PTPN21: variants seen among roughly 807,000 people sequenced by gnomAD.
PTPN21 encodes tyrosine-protein phosphatase non-receptor type 21.
Under a neutral mutation model 131.8 loss-of-function variants are expected in PTPN21, and 77 were observed. The ratio of observed to expected loss-of-function variants is 0.58; its 90% CI spans 0.49 to 0.71. The LOEUF (loss-of-function observed/expected upper bound fraction) is 0.71, where lower values mean the gene tolerates loss of function less well. Ranked by LOEUF, PTPN21 falls within the 30% of genes least tolerant of loss-of-function variation. The pLI is 0.00. For missense variants in PTPN21, 1,552 were observed against 1,527.1 expected (o/e 1.02, Z -0.27); for synonymous variants, 715 against 621.3 (o/e 1.15, Z -2.24).
intron 10 of PTPN21, among the ~76,000 whole-genome samples, chr14:88,493,865 A>G (rs1179911238): frequency 6.6e-6 from 1 of 152,218 alleles, no homozygotes; most frequent in African/African-American, 2.4e-5. Flanking sequence ...ATCTTGAATC[A>G]GAGCTCTTAA....
In PTPN21 at chr14:88,479,165, G is replaced by C. The variant is rs1341158576; in HGVS notation, c.2266C>G (p.His756Asp). Residue 756 changes from histidine to aspartate, a missense_variant, in exon 13 of 19, where the codon CAC (histidine) becomes GAC (aspartate). His to Asp is a moderately conservative substitution (Grantham distance 81, BLOSUM62 -1). Transcript: ENST00000556564. ...ACGTGGGCCTTGGGCTCCAGGATGT[G>C]CAGGGGCCCGGCGAGCAGGACGCGA... ...CPRVLLAGPL[H>D]ILEPKAHVPD... The C allele has an allele frequency of 6.4e-7, 1 of 1,553,138 alleles. No homozygotes were observed. Among genetic ancestry groups the C allele is most frequent in the Non-Finnish European group, 8.7e-7 (1 of 1,153,186 alleles).
At chr14:88,504,344 A>T in intron 6 of PTPN21, 81 bp downstream of exon 6, 1 of 1,124,450 alleles carries the variant, frequency 8.9e-7, no homozygotes, top group Non-Finnish European at 1.3e-6. Flanking sequence ...TAATCATGTA[A>T]ATTAAATATT....
chr14:88,468,457 T>G (rs2077400694), intron 18 of PTPN21, among the ~76,000 whole-genome samples, 192 bp from the exon 19 acceptor site: 1 of 152,184 alleles, frequency 6.6e-6, no homozygotes. Context: ...AAATAGAATG[T>G]CCATGCAGAC....
At chr14:88,518,374 ATGTGTG>A (rs1216065156) in intron 2 of PTPN21, among the ~76,000 whole-genome samples, 9 of 34,720 alleles carry the variant, frequency 2.6e-4, no homozygotes, top group African/African-American at 1.0e-3. Flanking sequence ...GTGTGTGTGT[ATGTGTG>A]TGTGTGTATA....
At chr14:88,489,674 T>C (rs1021461573) in intron 10 of PTPN21, among the ~76,000 whole-genome samples, 2 of 151,850 alleles carry the variant, frequency 1.3e-5, no homozygotes, top group African/African-American at 4.8e-5. Context: ...TAAATAAAAG[T>C]GTTAGATGGT....
At chr14:88,518,795 T>C (rs1010534575) in intron 2 of PTPN21, among the ~76,000 whole-genome samples, 1 of 152,032 alleles carries the variant, frequency 6.6e-6, no homozygotes, top group African/African-American at 2.4e-5. Flanking sequence ...GAGTAAGCAG[T>C]GTTAAACCAA....
chr14:88,469,050 G>A lies in PTPN21; in HGVS notation c.3262C>T (p.Arg1088Ter), dbSNP rs777169798. The change falls in exon 18 of 19, where the codon CGA becomes TGA. Residue 1088 changes from arginine to a stop codon, truncating the protein, a stop_gained. Coordinates refer to ENST00000556564, the MANE Select transcript of PTPN21 (RefSeq NM_007039.4). LOFTEE classifies it high-confidence loss of function. This position sits in a 1 kb window ranked among gnomAD's most constrained non-coding sequence, Gnocchi z 4.3. ...LSYLEEIQSV[R>*]RHTNSTSDPQ... ...TCACTTGTGCTATTTGTATGGCGTC[G>A]AACAGACTGGATCTCTTCAAGATAT... 1.1e-5 allele frequency: 18 copies of A among 1,613,752 alleles called. 1 individual carries two copies. The highest frequency in any genetic ancestry group is 3.3e-5 in the South Asian group (3 of 91,046).
At chr14:88,484,994 C>G (rs1484808903) in intron 12 of PTPN21, 82 bp downstream of exon 12, 2 of 1,228,140 alleles carry the variant, frequency 1.6e-6, no homozygotes, top group Admixed American at 3.6e-5. Context: ...CAAAAACTGT[C>G]CAGGCTTCAT....
rs779064863 is a variant in PTPN21, at chr14:88,479,773, G to T, written c.1658C>A (p.Pro553Gln). 1.3e-6 allele frequency: 2 copies of T among 1,546,040 alleles called. No homozygotes were observed. The highest frequency in any genetic ancestry group is 1.7e-6 in the Non-Finnish European group (2 of 1,153,176). The change falls in exon 13 of 19, where the codon CCG (proline) becomes CAG (glutamine). Residue 553 changes from proline to glutamine, a missense_variant. By Grantham distance (76) the Pro-to-Gln change is moderately conservative. Coordinates refer to ENST00000556564, the MANE Select transcript of PTPN21 (RefSeq NM_007039.4). ...TNAQLQAQDY[P>Q]SPNIMRTQVY... ...CTGCGTCCGCATGATGTTGGGAGAC[G>T]GGTAGTCCTGCGCCTGCAGCTGCGC...
intron 10 of PTPN21, among the ~76,000 whole-genome samples, chr14:88,492,339 GGAACCCCAAAGGCA>G (rs1285478214): frequency 6.6e-6 from 1 of 152,164 alleles, no homozygotes; most frequent in Non-Finnish European, 1.5e-5. Flanking sequence ...CCAGCCCCAG[GGAACCCCAAAGGCA>G]AGTAGCACTA....
chr14:88,508,961 G>A (rs2078138819), intron 3 of PTPN21, among the ~76,000 whole-genome samples: 2 of 152,112 alleles, frequency 1.3e-5, no homozygotes, highest in Admixed American at 6.6e-5. Context: ...TTAGTATTCT[G>A]CACGAACTTG....
chr14:88,549,815 T>A (rs1005499596), intron 2 of PTPN21, among the ~76,000 whole-genome samples: 1 of 150,312 alleles, frequency 6.7e-6, no homozygotes, highest in Non-Finnish European at 1.5e-5. Context: ...CAGGCTGGAG[T>A]GCAGTGGAGC....
In PTPN21 at chr14:88,485,100, T is replaced by G; in HGVS notation, c.1054A>C (p.Thr352Pro). ...CCTTGGGAAGAAGCATATGGTTCTG[T>G]ATAATGTCCATTATAGTGCAACTGC... ...PPQLHYNGHY[T>P]EPYASSQDNL... The change falls in exon 12 of 19, where the codon ACA (threonine) becomes CCA (proline). Residue 352 changes from threonine (T) to proline (P), a missense_variant. Around this residue, in one of 4 missense-constraint regions of PTPN21, gnomAD observed 1,016 missense variants for 883.5 expected, o/e 1.15. Coordinates refer to ENST00000556564, the MANE Select transcript of PTPN21 (RefSeq NM_007039.4). 1.2e-6 allele frequency: 2 copies of G among 1,608,038 alleles called. No individual in the cohort carries two copies. Among genetic ancestry groups the G allele is most frequent in the Non-Finnish European group, 1.7e-6 (2 of 1,174,630 alleles).
chr14:88,518,384 G>GTCTATATATATATA (rs1383018796), intron 2 of PTPN21, among the ~76,000 whole-genome samples: 1 of 13,330 alleles, frequency 7.5e-5, no homozygotes, highest in East Asian at 2.7e-3. Context: ...ATGTGTGTGT[G>GTCTATATATATATA]TGTATATATA....
chr14:88,529,513 AATCTAAAAC>A (rs1285943059), intron 2 of PTPN21, among the ~76,000 whole-genome samples: 1 of 152,158 alleles, frequency 6.6e-6, no homozygotes, highest in Non-Finnish European at 1.5e-5. Flanking sequence ...GAAGAAGAGA[AATCTAAAAC>A]TTGGGGAAAC....
intron 10 of PTPN21, among the ~76,000 whole-genome samples, chr14:88,494,401 G>A (rs2077871685): frequency 6.6e-6 from 1 of 152,220 alleles, no homozygotes; most frequent in Non-Finnish European, 1.5e-5. Context: ...GCCAGGCCTG[G>A]TGGCTCACAC....
At position 88,472,327 on chromosome 14, in the gene PTPN21, C is replaced by CA. The variant is rs1566806921; in HGVS notation, c.2787dup (p.Val930CysfsTer5). On this transcript the variant is annotated frameshift_variant, in exon 15 of 19. Transcript: ENST00000556564. LOFTEE classifies it high-confidence loss of function. ...ACTCTCACATCATCATAAGGAAGAA[C>CA]ATCTTGGAATCGATTTCTTTCTGCA... 2 of 1,613,816 alleles carry CA rather than the reference C, an allele frequency of 1.2e-6. No homozygotes were observed. Among genetic ancestry groups the CA allele is most frequent in the Non-Finnish European group, 1.7e-6 (2 of 1,179,734 alleles).
intron 5 of PTPN21, 113 bp from the exon 6 acceptor site, chr14:88,504,608 T>C (rs973377809): frequency 1.1e-5 from 9 of 800,728 alleles, no homozygotes; most frequent in South Asian, 1.1e-4. Context: ...ATTATGACTA[T>C]TGTTACTATA....
Position 88,480,228 on chromosome 14 carries a change from G to C in PTPN21, c.1203C>G (p.Asn401Lys). 2 of 1,614,180 alleles carry C rather than the reference G, an allele frequency of 1.2e-6. No individual in the cohort carries two copies. Among genetic ancestry groups the C allele is most frequent in the South Asian group, 2.2e-5 (2 of 91,074 alleles). The stretch of plus-strand genomic sequence containing the variant: ...AGTAGGGCTGAGGATTATTTAAGGA[G>C]TTGGTGCTGTGTGCACTGTAGACAC... Reference protein sequence around the residue: ...NGSVYSAHSTNSLNNPQPYLQ... With the variant: ...NGSVYSAHSTKSLNNPQPYLQ... The change falls in exon 13 of 19, where the codon AAC becomes AAG. Residue 401 changes from asparagine (N) to lysine (K), a missense_variant. Asn to Lys is a moderately conservative substitution (Grantham distance 94). Around this residue, in one of 4 missense-constraint regions of PTPN21, gnomAD observed 1,016 missense variants for 883.5 expected, o/e 1.15. Transcript: ENST00000556564.
Sources: allele counts gnomAD v4.1 joint callset (sites outside exome capture counted in the v4.1 genomes callset), GRCh38; gene constraint gnomAD v4.1.1; regional missense constraint gnomAD v4.1.1; non-coding constraint Gnocchi (gnomAD v3.1); transcripts MANE v1.5; gene names NCBI Gene and HGNC (gene_info 2026-07-23, HGNC 2026-07-21).